The following LRP1B variants were observed in gnomAD, a reference collection of about 807,000 sequenced individuals.
LRP1B encodes low-density lipoprotein receptor-related protein 1B.
Under a neutral mutation model 556.6 loss-of-function variants are expected in LRP1B, and 217 were observed. The ratio of observed to expected loss-of-function variants is 0.39; its 90% CI spans 0.35 to 0.44. The LOEUF (loss-of-function observed/expected upper bound fraction) is 0.44. Among genes scored for constraint, LRP1B ranks in the 20% least tolerant of loss-of-function variants. The pLI is 1.00. For synonymous variants in LRP1B, 2,047 were observed against 1,865.8 expected, an observed-to-expected ratio of 1.10 and a Z score of -2.50; for missense variants, 5,053 against 5,620.8, an observed-to-expected ratio of 0.90 and a Z score of 3.23.
chr2:141,879,229 AT>A (rs1698874497), intron 1 of LRP1B, among the ~76,000 whole-genome samples: 1 of 151,866 alleles, frequency 6.6e-6, no homozygotes, highest in Admixed American at 6.6e-5. Flanking sequence ...TTAAATATTG[AT>A]TTTTAAAAAA....
intron 1 of LRP1B, among the ~76,000 whole-genome samples, chr2:141,823,233 A>G (rs1360380825): frequency 6.6e-6 from 1 of 152,088 alleles, no homozygotes; most frequent in Non-Finnish European, 1.5e-5. Flanking sequence ...TCTACTAAAA[A>G]GAAAAAAGAA....
chr2:141,516,102 T>C (rs1011009649), intron 2 of LRP1B, among the ~76,000 whole-genome samples: 1 of 152,148 alleles, frequency 6.6e-6, no homozygotes, highest in African/African-American at 2.4e-5. Context: ...ATTACAGAGA[T>C]TTCATCTAAA....
At chr2:141,080,287 T>C (rs1421118088) in intron 7 of LRP1B, among the ~76,000 whole-genome samples, 1 of 152,210 alleles carries the variant, frequency 6.6e-6, no homozygotes, top group African/African-American at 2.4e-5. Context: ...TTCTCTGAAA[T>C]TCCAAGTTCT....
chr2:140,546,916 T>G (rs6430916), intron 43 of LRP1B, among the ~76,000 whole-genome samples: 51,711 of 151,430 alleles, frequency 0.34, 9,740 homozygotes, highest in South Asian at 0.46. Flanking sequence ...TAATCATGTG[T>G]TTTTTTTGTA....
chr2:140,567,261 G>A (rs984465771), intron 43 of LRP1B, among the ~76,000 whole-genome samples: 5 of 152,060 alleles, frequency 3.3e-5, no homozygotes, highest in Non-Finnish European at 5.9e-5. Flanking sequence ...TGCCATTTTG[G>A]ACTACTTACT....
chr2:141,161,020 C>A (rs1045039013), intron 7 of LRP1B, among the ~76,000 whole-genome samples: 1 of 151,948 alleles, frequency 6.6e-6, no homozygotes, highest in Non-Finnish European at 1.5e-5. Flanking sequence ...ATGAGTGGTA[C>A]AAGAGGAACT....
Position 140,832,988 on chromosome 2 carries a change from G to C in LRP1B, c.5209+7003C>G, listed in dbSNP as rs911414447. Among the ~76,000 whole-genome samples the C allele has an allele frequency of 2.0e-5, 3 of 151,998 alleles. No individual in the cohort carries two copies. In the South Asian group the frequency reaches 6.2e-4, roughly 32 times the overall value. On this transcript the variant is annotated intron_variant, in intron 31 of 90. Coordinates refer to ENST00000389484, the MANE Select transcript of LRP1B (RefSeq NM_018557.3). ...ATATGCATGTATCAAAATATCACAG[G>C]CATTCCACACCATGCATTATCATTA...
intron 60 of LRP1B, among the ~76,000 whole-genome samples, chr2:140,472,351 T>C (rs981233599): frequency 1.3e-5 from 2 of 152,170 alleles, no homozygotes; most frequent in Non-Finnish European, 2.9e-5. Flanking sequence ...TGTTTTTTAC[T>C]GTATCATTAT....
intron 3 of LRP1B, among the ~76,000 whole-genome samples, chr2:141,405,671 G>T (rs947521841): frequency 1.1e-4 from 16 of 152,138 alleles, no homozygotes; most frequent in Middle Eastern, 3.4e-3. Context: ...TTATTATTTT[G>T]CTGGTACAAT....
At position 141,013,572 on chromosome 2, in the gene LRP1B, A is replaced by C; in HGVS notation, c.2364T>G (p.Asp788Glu). The C allele has an allele frequency of 6.2e-7, 1 of 1,608,120 alleles. No individual in the cohort carries two copies. ...RPPLFGLQIY[D>E]PRKQQGDNMC... The stretch of plus-strand genomic sequence containing the variant: ...TTTTAATACCTTGTTGCTTTCGTGG[A>C]TCATAAATCTGAAGCCCAAATAGGG... Residue 788 changes from aspartate (D) to glutamate (E), a missense_variant, in exon 14 of 91, where the codon GAT (aspartate) becomes GAG (glutamate). Asp to Glu is a conservative substitution (Grantham distance 45, BLOSUM62 2). Around this residue, in one of 5 missense-constraint regions of LRP1B, gnomAD observed 3,619 missense variants for 3,931.9 expected, o/e 0.92. Coordinates refer to ENST00000389484, the MANE Select transcript of LRP1B (RefSeq NM_018557.3).
intron 3 of LRP1B, among the ~76,000 whole-genome samples, chr2:141,296,384 G>A (rs1476296309): frequency 1.3e-5 from 2 of 152,152 alleles, no homozygotes; most frequent in African/African-American, 2.4e-5. Context: ...GGGAATTTAA[G>A]CACAGACAAA....
intron 2 of LRP1B, among the ~76,000 whole-genome samples, chr2:141,784,884 T>A (rs1278614622): frequency 6.6e-6 from 1 of 152,020 alleles, no homozygotes; most frequent in Non-Finnish European, 1.5e-5. Context: ...GACTGTGTAC[T>A]ACCTTTGGTT....
At chr2:141,445,000 T>A (rs1051062648) in intron 3 of LRP1B, among the ~76,000 whole-genome samples, 3 of 152,200 alleles carry the variant, frequency 2.0e-5, no homozygotes, top group African/African-American at 7.2e-5. Flanking sequence ...TCAGAAGGAA[T>A]GGTATCAGCT....
At chr2:141,031,508 T>G (rs1698370125) in intron 11 of LRP1B, among the ~76,000 whole-genome samples, 2 of 151,972 alleles carry the variant, frequency 1.3e-5, no homozygotes, top group Non-Finnish European at 2.9e-5. Context: ...CTGAATTTTA[T>G]AATCTTCTGG....
At chr2:140,636,674 G>A (rs995363381) in intron 41 of LRP1B, among the ~76,000 whole-genome samples, 2 of 152,042 alleles carry the variant, frequency 1.3e-5, no homozygotes, top group African/African-American at 4.8e-5. Flanking sequence ...ATATTCCAAA[G>A]AGAGTAAAGA....
At chr2:141,123,358 T>A (rs1035328670) in intron 7 of LRP1B, among the ~76,000 whole-genome samples, 1 of 152,050 alleles carries the variant, frequency 6.6e-6, no homozygotes, top group East Asian at 1.9e-4. Context: ...AATACTAGAT[T>A]TGGCCTCTTT....
At chr2:141,781,481 C>T (rs1216005496) in intron 2 of LRP1B, among the ~76,000 whole-genome samples, 1 of 152,092 alleles carries the variant, frequency 6.6e-6, no homozygotes, top group East Asian at 1.9e-4. Context: ...AATTGAAACC[C>T]AATGCAAAAA....
chr2:141,752,377 CATACTAAGG>C (rs1694145728), intron 2 of LRP1B, among the ~76,000 whole-genome samples: 1 of 152,136 alleles, frequency 6.6e-6, no homozygotes, highest in Non-Finnish European at 1.5e-5. Flanking sequence ...GGAGGCCTGG[CATACTAAGG>C]AATTAGGATT....
chr2:140,777,705 A>G (rs1043181240), intron 32 of LRP1B, among the ~76,000 whole-genome samples: 3 of 152,178 alleles, frequency 2.0e-5, no homozygotes, highest in African/African-American at 7.2e-5. Flanking sequence ...AAATTATCTA[A>G]TATCTAATTA....
Sources: gnomAD v4.1 joint callset for allele counts (sites outside exome capture counted in the v4.1 genomes callset) on GRCh38, gnomAD v4.1.1 for gene constraint, gnomAD v4.1.1 regional missense constraint, MANE v1.5 for transcripts, NCBI Gene and HGNC (gene_info 2026-07-23, HGNC 2026-07-21) for gene names.